The following HDAC5 variants were observed in gnomAD, a reference collection of about 807,000 sequenced individuals.
HDAC5 encodes histone deacetylase 5.
HDAC5 carries 25 observed loss-of-function variants against 133.3 expected under a neutral mutation model. The ratio of observed to expected loss-of-function variants is 0.19; its 90% CI spans 0.14 to 0.26. The LOEUF (loss-of-function observed/expected upper bound fraction) is 0.26, where lower values mean the gene tolerates loss of function less well. Ranked by LOEUF, HDAC5 falls within the 10% of genes least tolerant of loss-of-function variation. The probability of loss-of-function intolerance (pLI) is 1.00; values close to 1 mark genes in which losing one functional copy is unlikely to be tolerated. For synonymous variants in HDAC5, 589 were observed against 610.8 expected, an observed-to-expected ratio of 0.96 and a Z score of 0.53; for missense variants, 1,041 against 1,460.5, an observed-to-expected ratio of 0.71 and a Z score of 4.68.
chr17:44,087,646 C>T lies in HDAC5; in HGVS notation c.1650G>A (p.Glu550=). Residue 550 remains glutamate, a synonymous_variant, in exon 13 of 27, where the codon GAG becomes GAA. Coordinates refer to ENST00000682912, the MANE Select transcript of HDAC5 (RefSeq NM_005474.5). ...GCTCCGTCAGCTCCTCCTCTGTCTC[C>T]TCAGGGTGGGTGGTGGGCTGCCTGG... ...ELPRQPTTHP[E]ETEEELTEQQ... 1.9e-6 allele frequency: 3 copies of T among 1,612,354 alleles called. No individual in the cohort carries two copies. Among genetic ancestry groups the T allele is most frequent in the Non-Finnish European group, 2.5e-6 (3 of 1,179,008 alleles).
intron 3 of HDAC5, among the ~76,000 whole-genome samples, chr17:44,100,884 G>A (rs1597994952): frequency 1.3e-5 from 2 of 149,062 alleles, no homozygotes; most frequent in South Asian, 2.1e-4. Flanking sequence ...CGCCTTCTGG[G>A]TTCAAGCGAT....
intron 3 of HDAC5, among the ~76,000 whole-genome samples, chr17:44,101,493 C>G (rs1481010859): frequency 6.7e-6 from 1 of 150,234 alleles, no homozygotes; most frequent in Non-Finnish European, 1.5e-5. Context: ...ACCCAAGGGG[C>G]GTAGAGTACA....
chr17:44,121,442 C>T (rs560132192), intron 1 of HDAC5, among the ~76,000 whole-genome samples: 6 of 140,786 alleles, frequency 4.3e-5, no homozygotes, highest in Non-Finnish European at 9.3e-5. Context: ...CCTTCCCCCC[C>T]CTACTGCCAC....
At chr17:44,081,290 C>A (rs915840834) in intron 20 of HDAC5, among the ~76,000 whole-genome samples, 31 of 151,918 alleles carry the variant, frequency 2.0e-4, no homozygotes, top group African/African-American at 7.2e-4. Context: ...ACTCTTGTTG[C>A]CCAGGCTAGA....
At chr17:44,086,156 G>T (rs73308505) in intron 14 of HDAC5, among the ~76,000 whole-genome samples, 1,740 of 152,256 alleles carry the variant, frequency 0.011, 33 homozygotes, top group African/African-American at 0.039. Context: ...TACTCTCCAC[G>T]GGTGATACAG....
At chr17:44,085,353 G>T (rs986805521) in intron 14 of HDAC5, 198 bp from the exon 15 acceptor site, 10 of 454,388 alleles carry the variant, frequency 2.2e-5, no homozygotes, top group African/African-American at 1.8e-4. Context: ...TTGAAACAGG[G>T]TCTCACTCTG....
Position 44,086,751 on chromosome 17 carries a change from TG to T in HDAC5, c.1885-15del. 1 of 1,288,310 alleles carries T rather than the reference TG, an allele frequency of 7.8e-7. No homozygotes were observed. 79.8% of individuals were successfully genotyped at this position (1,288,310 alleles called of 1,614,324 possible). The stretch of plus-strand genomic sequence containing the variant: ...ATCTGAGAACAGCTGGAGGGGAGAA[TG>T]GGAGGGGGCCTGGGTCAGACTCAGC... On this transcript the variant is annotated splice_polypyrimidine_tract_variant and intron_variant, in intron 13 of 26. Transcript: ENST00000682912.
chr17:44,092,589 C>T, intron 7 of HDAC5, 62 bp from the exon 8 acceptor site: 2 of 1,571,766 alleles, frequency 1.3e-6, no homozygotes, highest in South Asian at 1.2e-5. Context: ...CAGCTGAGCC[C>T]ACTGGGGTCA....
intron 8 of HDAC5, 47 bp downstream of exon 8, chr17:44,092,334 C>A: frequency 6.2e-7 from 1 of 1,611,958 alleles, no homozygotes; most frequent in South Asian, 1.1e-5. Context: ...TACCCCCGAC[C>A]CCTGATTCCC....
At chr17:44,121,124 A>G (rs1357143010) in intron 1 of HDAC5, among the ~76,000 whole-genome samples, 10 of 138,084 alleles carry the variant, frequency 7.2e-5, no homozygotes, top group African/African-American at 1.6e-4. Flanking sequence ...AAAAAAAAAG[A>G]GAGGGGGGTG....
At chr17:44,091,176 T>C in intron 11 of HDAC5, 94 bp downstream of exon 11, 2 of 931,668 alleles carry the variant, frequency 2.1e-6, no homozygotes, top group Non-Finnish European at 3.4e-6. Flanking sequence ...TGCTGTTGAT[T>C]CTGCTAAGGG....
At chr17:44,094,111 C>T (rs975448927) in intron 3 of HDAC5, among the ~76,000 whole-genome samples, 7 of 151,948 alleles carry the variant, frequency 4.6e-5, no homozygotes, top group African/African-American at 1.7e-4. Context: ...TCACCTGAGG[C>T]CAGGAGTTTG....
chr17:44,084,485 G>A, intron 16 of HDAC5, 70 bp downstream of exon 16: 2 of 1,590,796 alleles, frequency 1.3e-6, no homozygotes, highest in East Asian at 2.2e-5. Flanking sequence ...TGGTCAGGCA[G>A]TCTTCCTGAG....
At chr17:44,121,521 G>C (rs1157663801) in intron 1 of HDAC5, among the ~76,000 whole-genome samples, 1 of 149,344 alleles carries the variant, frequency 6.7e-6, no homozygotes, top group East Asian at 2.0e-4. Context: ...CTCCTCAAAG[G>C]GATGTGAGTA....
In HDAC5 at chr17:44,117,504, G is replaced by GGGAGAGTTCATGCCGGCTCT. The variant is rs747299818; in HGVS notation, c.-9_11dup (p.Asn5GlufsTer4). On this transcript the variant is annotated stop_gained and frameshift_variant, in exon 2 of 27. Transcript: ENST00000682912. LOFTEE classifies it high-confidence loss of function. The surrounding 1 kb of genome is among the most constrained non-coding windows in gnomAD (Gnocchi z 4.2). ...CCTCCCAGCTCTTACCCGACTCGTT[G>GGGAGAGTTCATGCCGGCTCT]GGAGAGTTCATGCCGGCTCTGGGCC... is the stretch of plus-strand genomic sequence containing the variant. The GGGAGAGTTCATGCCGGCTCT allele has an allele frequency of 4.3e-6, 7 of 1,614,094 alleles. No homozygotes were observed. In the South Asian group the frequency reaches 7.7e-5, roughly 18 times the overall value.
chr17:44,117,519 G>C lies in HDAC5; in HGVS notation c.-4C>G. On this transcript the variant is annotated 5_prime_UTR_variant, in exon 2 of 27. Coordinates refer to ENST00000682912, the MANE Select transcript of HDAC5 (RefSeq NM_005474.5). The surrounding 1 kb of genome is among the most constrained non-coding windows in gnomAD (Gnocchi z 4.2). ...CCGACTCGTTGGGAGAGTTCATGCC[G>C]GCTCTGGGCCTGCAGGAAGCTGGCG... 1.2e-6 allele frequency: 2 copies of C among 1,613,934 alleles called. No homozygotes were observed.
intron 3 of HDAC5, among the ~76,000 whole-genome samples, chr17:44,095,227 GAAGTTT>G (rs2051193234): frequency 6.6e-6 from 1 of 152,204 alleles, no homozygotes; most frequent in South Asian, 2.1e-4. Context: ...GAGGTTTAGA[GAAGTTT>G]AAGTAGCAAC....
chr17:44,084,610 C>G lies in HDAC5; in HGVS notation c.2250G>C (p.Leu750=), dbSNP rs372709860. 5.6e-6 allele frequency: 9 copies of G among 1,613,998 alleles called. No individual in the cohort carries two copies. The highest frequency in any genetic ancestry group is 1.3e-5 in the African/African-American group (1 of 74,894). Residue 750 remains leucine, a synonymous_variant, in exon 16 of 27, where the codon CTG becomes CTC. Transcript: ENST00000682912. ...GGTTGAGGGGACTGGTCCCATAGAG[C>G]AGGGTGTGGTATTCAGAGTGCACTG... ...IQTVHSEYHT[L]LYGTSPLNRQ... is the part of the protein sequence containing the mutation.
At chr17:44,100,746 T>A (rs1293971475) in intron 3 of HDAC5, among the ~76,000 whole-genome samples, 1 of 150,754 alleles carries the variant, frequency 6.6e-6, no homozygotes, top group Non-Finnish European at 1.5e-5. Context: ...AGGGAGAGAC[T>A]CCGTCTCAAA....
Sources: gnomAD v4.1 joint callset for allele counts (sites outside exome capture counted in the v4.1 genomes callset) on GRCh38, gnomAD v4.1.1 for gene constraint, Gnocchi (gnomAD v3.1) non-coding constraint, MANE v1.5 for transcripts, NCBI Gene and HGNC (gene_info 2026-07-23, HGNC 2026-07-21) for gene names.